Variants in TSPAN7 observed in about 807,000 individuals in gnomAD.
The protein encoded by TSPAN7 is tetraspanin-7.
TSPAN7 carries 1 observed loss-of-function variant against 17.6 expected under a neutral mutation model. That is an observed-to-expected ratio of 0.06 (90% CI 0.02 to 0.27). The LOEUF is 0.27. Among genes scored for constraint, TSPAN7 ranks in the 10% least tolerant of loss-of-function variants. TSPAN7 has a pLI of 1.00. For synonymous variants in TSPAN7, 78 were observed against 79.0 expected (o/e 0.99, Z 0.07); for missense variants, 112 against 201.7 (o/e 0.56, Z 2.69).
intron 1 of TSPAN7, among the ~76,000 whole-genome samples, chrX:38,645,684 G>C (rs971553908): frequency 1.8e-5 from 2 of 112,027 alleles, no homozygotes; most frequent in African/African-American, 6.5e-5. Context: ...AAAAGCCAGA[G>C]CAAACCTCTG....
intron 1 of TSPAN7, among the ~76,000 whole-genome samples, chrX:38,643,443 TA>T (rs920886027): frequency 1.8e-5 from 2 of 110,552 alleles, no homozygotes; most frequent in Non-Finnish European, 1.9e-5. Flanking sequence ...TCCCCAATTT[TA>T]CTAAGAAAAG....
chrX:38,610,639 T>C (rs2069413005), intron 1 of TSPAN7, among the ~76,000 whole-genome samples: 1 of 111,292 alleles, frequency 9.0e-6, no homozygotes, highest in African/African-American at 3.3e-5. Flanking sequence ...TGAGAAGCTC[T>C]AATCTGGGAG....
chrX:38,656,080 T>A (rs759981171), intron 1 of TSPAN7: 1 of 314,044 alleles, frequency 3.2e-6, no homozygotes, highest in South Asian at 2.9e-5. Context: ...AGATTCATTC[T>A]GTATTTATTG....
chrX:38,596,442 G>A (rs1012358724), intron 1 of TSPAN7, among the ~76,000 whole-genome samples: 2 of 111,673 alleles, frequency 1.8e-5, no homozygotes, highest in African/African-American at 6.5e-5. Flanking sequence ...TTTATATGTG[G>A]AACTGTTGAT....
At chrX:38,649,406 G>C (rs910176763) in intron 1 of TSPAN7, among the ~76,000 whole-genome samples, 1 of 112,573 alleles carries the variant, frequency 8.9e-6, no homozygotes, top group Non-Finnish European at 1.9e-5. Context: ...ATAGAGTATG[G>C]TGAGTTTGGC....
intron 1 of TSPAN7, among the ~76,000 whole-genome samples, chrX:38,606,215 GA>G (rs756837442): frequency 2.6e-3 from 282 of 109,633 alleles, no homozygotes; most frequent in African/African-American, 9.2e-3. Context: ...AAATTTACAA[GA>G]AAAAAACAAA....
At chrX:38,659,466 G>A (rs1191405762) in intron 1 of TSPAN7, among the ~76,000 whole-genome samples, 1 of 111,682 alleles carries the variant, frequency 9.0e-6, no homozygotes, top group Non-Finnish European at 1.9e-5. Flanking sequence ...ATTCTGATTT[G>A]TTGTATCAGA....
chrX:38,624,371 C>T (rs1392839016), intron 1 of TSPAN7, among the ~76,000 whole-genome samples: 2 of 112,035 alleles, frequency 1.8e-5, no homozygotes, highest in African/African-American at 3.2e-5. Flanking sequence ...TCTCTTGAGA[C>T]CCTGAAAACC....
chrX:38,609,472 G>T (rs918778670), intron 1 of TSPAN7, among the ~76,000 whole-genome samples: 2 of 110,737 alleles, frequency 1.8e-5, no homozygotes, highest in Non-Finnish European at 3.8e-5. Context: ...TAGTTGAAAA[G>T]CTTGTGCAGC....
chrX:38,687,642 C>A lies in TSPAN7; in HGVS notation c.725C>A (p.Thr242Lys), dbSNP rs1804492. ...LLACCLSRFI[T>K]ANQYEMV is the part of the protein sequence containing the mutation. ...GCCTGCTGTCTGTCCCGGTTCATCA[C>A]GGCCAATCAGTATGAGATGGTGTAA... is the stretch of plus-strand genomic sequence containing the variant. The change falls in exon 7 of 8, where the codon ACG becomes AAG. Residue 242 changes from threonine (T) to lysine (K), a missense_variant. Transcript: ENST00000378482. 8.3e-7 allele frequency: 1 copy of A among 1,210,807 alleles called. No homozygotes were observed. Among genetic ancestry groups the A allele is most frequent in the Non-Finnish European group, 1.1e-6 (1 of 895,144 alleles).
At chrX:38,583,949 C>CTGTTTTTTTTTTTTTTTTTTTTTTTT (rs2069241733) in intron 1 of TSPAN7, among the ~76,000 whole-genome samples, 1 of 66,974 alleles carries the variant, frequency 1.5e-5, no homozygotes, top group African/African-American at 6.1e-5. Context: ...TTTTTCTTTT[C>CTGTTTTTTTTTTTTTTTTTTTTTTTT]TTTTTTTTTT....
At chrX:38,663,495 C>T (rs772416325) in intron 1 of TSPAN7, among the ~76,000 whole-genome samples, 7 of 111,720 alleles carry the variant, frequency 6.3e-5, no homozygotes, top group Admixed American at 2.8e-4. Context: ...CAGAAATCAC[C>T]GCTAAAGAAT....
chrX:38,671,224 T>G, intron 2 of TSPAN7, 152 bp from the exon 3 acceptor site: 1 of 567,596 alleles, frequency 1.8e-6, no homozygotes, highest in South Asian at 2.5e-5. Context: ...GTGGGTAAAT[T>G]TAGAGACGAA....
chrX:38,681,873 A>G (rs1284954389), intron 6 of TSPAN7, among the ~76,000 whole-genome samples: 1 of 112,061 alleles, frequency 8.9e-6, no homozygotes, highest in Non-Finnish European at 1.9e-5. Context: ...CTCAAAAAAA[A>G]CAATGGGAGA....
At chrX:38,595,058 A>G (rs961590067) in intron 1 of TSPAN7, among the ~76,000 whole-genome samples, 1 of 111,192 alleles carries the variant, frequency 9.0e-6, no homozygotes, top group Non-Finnish European at 1.9e-5. Context: ...AATATTTTGT[A>G]ATTGCAAACT....
intron 1 of TSPAN7, among the ~76,000 whole-genome samples, chrX:38,653,307 G>T (rs962175655): frequency 9.0e-6 from 1 of 111,525 alleles, no homozygotes; most frequent in Non-Finnish European, 1.9e-5. Flanking sequence ...CCCCCTCCCA[G>T]GCTGTGGGGT....
rs2147461702 is a variant in TSPAN7, at chrX:38,688,402, T to G, written c.*471T>G. 1 of 113,446 alleles carries G rather than the reference T, an allele frequency of 8.8e-6. No homozygotes were observed. The highest frequency in any genetic ancestry group is 2.8e-4 in the East Asian group (1 of 3,622). The allele number at this position is 113,446 out of a possible 1,213,427, so 9.3% of individuals were successfully genotyped here. ...GACGATAGTTATCTGTTCTTTTGAC[T>G]TAATCTCATTTGGTTTGATTTTCCC... On this transcript the variant is annotated 3_prime_UTR_variant, in exon 8 of 8. Coordinates refer to ENST00000378482, the MANE Select transcript of TSPAN7 (RefSeq NM_004615.4).
chrX:38,614,119 T>C (rs960510736), intron 1 of TSPAN7, among the ~76,000 whole-genome samples: 1 of 111,079 alleles, frequency 9.0e-6, no homozygotes, highest in African/African-American at 3.3e-5. Flanking sequence ...AAACAATTCC[T>C]TTACGTGTTT....
chrX:38,613,665 GTC>G (rs1389245457), intron 1 of TSPAN7, among the ~76,000 whole-genome samples: 2 of 111,923 alleles, frequency 1.8e-5, no homozygotes, highest in Non-Finnish European at 3.8e-5. Context: ...CTTGAGGGCA[GTC>G]TCTCTGCATT....
Sources: gnomAD v4.1 joint callset for allele counts (sites outside exome capture counted in the v4.1 genomes callset) on GRCh38, gnomAD v4.1.1 for gene constraint, MANE v1.5 for transcripts, NCBI Gene and HGNC (gene_info 2026-07-23, HGNC 2026-07-21) for gene names.